SRGAP3: variants seen among roughly 807,000 people sequenced by gnomAD.
The protein encoded by SRGAP3 is SLIT-ROBO Rho GTPase activating protein 3, also known as SLIT-ROBO Rho GTPase-activating protein 3.
In SRGAP3, 39 loss-of-function variants were observed where a neutral mutation model predicts 121.1. The observed-to-expected ratio is 0.32, with a 90% CI of 0.25 to 0.42. The LOEUF (loss-of-function observed/expected upper bound fraction) is 0.42, where lower values mean the gene tolerates loss of function less well. Among genes scored for constraint, SRGAP3 ranks in the 10% least tolerant of loss-of-function variants. The pLI is 1.00. For synonymous variants in SRGAP3, 601 were observed against 570.0 expected (o/e 1.05, Z -0.77); for missense variants, 1,213 against 1,470.6 (o/e 0.82, Z 2.86).
intron 11 of SRGAP3, chr3:9,035,185 C>A (rs1165247170): frequency 6.6e-6 from 1 of 152,278 alleles, no homozygotes; most frequent in Non-Finnish European, 1.5e-5. Context: ...CTGTTAAATT[C>A]TCATGGCCAG....
intron 1 of SRGAP3, among the ~76,000 whole-genome samples, chr3:9,234,504 G>A (rs562222370): frequency 6.6e-6 from 1 of 152,232 alleles, no homozygotes; most frequent in South Asian, 2.1e-4. Context: ...GTCTTCTCAT[G>A]TCATTTCTCT....
At chr3:9,299,791 TC>T (rs899062810) in intron 3 of SRGAP3, among the ~76,000 whole-genome samples, 2 of 152,108 alleles carry the variant, frequency 1.3e-5, no homozygotes, top group African/African-American at 4.8e-5. Flanking sequence ...ACACCTGTAA[TC>T]CCTGCTACTC....
intron 3 of SRGAP3, among the ~76,000 whole-genome samples, chr3:9,277,279 G>T (rs1200752948): frequency 6.6e-6 from 1 of 151,990 alleles, no homozygotes; most frequent in African/African-American, 2.4e-5. Context: ...CAAGTGATTT[G>T]CCCACGGTTA....
intron 1 of SRGAP3, among the ~76,000 whole-genome samples, chr3:9,201,555 A>G (rs1011201918): frequency 3.9e-5 from 6 of 152,178 alleles, no homozygotes; most frequent in Non-Finnish European, 8.8e-5. Flanking sequence ...TTGACAAGAG[A>G]GGAAAAGACC....
intron 1 of SRGAP3, among the ~76,000 whole-genome samples, chr3:9,351,980 G>GA (rs1310441793): frequency 6.6e-6 from 1 of 152,136 alleles, no homozygotes; most frequent in East Asian, 1.9e-4. Context: ...CGGCAGCTGG[G>GA]AATTCCCCAG....
intron 3 of SRGAP3, among the ~76,000 whole-genome samples, chr3:9,086,787 ATATG>A (rs556944386): frequency 1.4e-5 from 2 of 147,356 alleles, no homozygotes; most frequent in Admixed American, 1.4e-4. Context: ...TTATATGTAT[ATATG>A]TATTACATAT....
chr3:9,082,276 C>A (rs1025527989), intron 3 of SRGAP3, among the ~76,000 whole-genome samples: 2 of 152,200 alleles, frequency 1.3e-5, no homozygotes, highest in African/African-American at 4.8e-5. Flanking sequence ...GAACTGTGAG[C>A]CAATTAAACC....
At chr3:8,989,314 C>A (rs1941903984) in intron 21 of SRGAP3, among the ~76,000 whole-genome samples, 1 of 152,190 alleles carries the variant, frequency 6.6e-6, no homozygotes, top group African/African-American at 2.4e-5. Flanking sequence ...CAGCAGCTGG[C>A]ATGCCTCCTC....
rs189223736 is a variant in SRGAP3 at position 9,068,377 on chromosome 3, A to G, written c.487-3796T>C. 4.6e-5 allele frequency among the ~76,000 whole-genome samples: 7 copies of G among 150,960 alleles called. 1 individual carries two copies. The highest frequency in any genetic ancestry group is 2.6e-4 in the Admixed American group (4 of 15,136). On this transcript the variant is annotated intron_variant, in intron 4 of 21. Transcript: ENST00000383836. ...TTTCTCTCCCTTTACATCATTTTCT[A>G]CTCTTCTTGAGCCACAGAGTACTCT...
intron 2 of SRGAP3, among the ~76,000 whole-genome samples, chr3:9,110,303 G>A (rs1256874623): frequency 6.6e-6 from 1 of 151,290 alleles, no homozygotes; most frequent in Admixed American, 6.6e-5. Flanking sequence ...GTGGGGCGGG[G>A]AGGGAGGATG....
chr3:9,141,958 G>C (rs570448637), intron 1 of SRGAP3, among the ~76,000 whole-genome samples: 1 of 152,180 alleles, frequency 6.6e-6, no homozygotes, highest in African/African-American at 2.4e-5. Flanking sequence ...AATCATTATC[G>C]TTGCCTAATG....
upstream of SRGAP3, among the ~76,000 whole-genome samples, chr3:9,250,401 A>C (rs185342460): frequency 6.6e-6 from 1 of 152,294 alleles, no homozygotes; most frequent in Admixed American, 6.5e-5. Context: ...TTCTTAGTAA[A>C]AAGCACCCCT....
At chr3:9,145,255 C>T (rs758088003) in intron 1 of SRGAP3, among the ~76,000 whole-genome samples, 2 of 152,126 alleles carry the variant, frequency 1.3e-5, no homozygotes, top group Non-Finnish European at 2.9e-5. Flanking sequence ...GCCACCATGC[C>T]CAGCTAATTT....
At chr3:9,307,559 C>A (rs939586543) in intron 3 of SRGAP3, among the ~76,000 whole-genome samples, 2 of 152,110 alleles carry the variant, frequency 1.3e-5, no homozygotes, top group Non-Finnish European at 2.9e-5. Flanking sequence ...TTAAAACAAG[C>A]TTTTAAAAGT....
At chr3:9,322,178 G>A (rs1361348088) in intron 3 of SRGAP3, among the ~76,000 whole-genome samples, 4 of 151,654 alleles carry the variant, frequency 2.6e-5, no homozygotes, top group African/African-American at 9.7e-5. Context: ...AGATTGTGGT[G>A]TGAGTTCAAT....
intron 1 of SRGAP3, among the ~76,000 whole-genome samples, chr3:9,345,413 T>C (rs182469825): frequency 3.4e-4 from 51 of 150,836 alleles, no homozygotes; most frequent in Admixed American, 2.6e-3. Flanking sequence ...CACCAGGAAG[T>C]GAAGGCTACA....
chr3:9,214,731 G>A (rs537157912), intron 1 of SRGAP3, among the ~76,000 whole-genome samples: 14 of 152,314 alleles, frequency 9.2e-5, no homozygotes, highest in Admixed American at 2.6e-4. Context: ...CTTTGATTCA[G>A]ATGAAGGACC....
At chr3:9,232,832 C>T (rs1467473276) in intron 1 of SRGAP3, among the ~76,000 whole-genome samples, 1 of 152,202 alleles carries the variant, frequency 6.6e-6, no homozygotes, top group Non-Finnish European at 1.5e-5. Context: ...GGTGATTCTG[C>T]TGCAGGTGGT....
At chr3:9,312,709 G>A (rs2125279047) in intron 3 of SRGAP3, among the ~76,000 whole-genome samples, 1 of 152,294 alleles carries the variant, frequency 6.6e-6, no homozygotes, top group East Asian at 1.9e-4. Context: ...ACAAGGCTGG[G>A]CGCAGTGATT....
Sources: allele counts gnomAD v4.1 joint callset (sites outside exome capture counted in the v4.1 genomes callset), GRCh38; gene constraint gnomAD v4.1.1; transcripts MANE v1.5; gene names NCBI Gene and HGNC (gene_info 2026-07-23, HGNC 2026-07-21).